Variants in STRA8 observed in about 807,000 individuals in gnomAD.
STRA8 encodes the protein stimulated by retinoic acid 8.
Under a neutral mutation model 37.1 loss-of-function variants are expected in STRA8, and 18 were observed. That is an observed-to-expected ratio of 0.48 (90% confidence interval 0.34 to 0.72). The LOEUF (loss-of-function observed/expected upper bound fraction) is 0.72. STRA8 is among the 30% of genes least tolerant of loss of function. The pLI is 0.01. For synonymous variants in STRA8, 168 were observed against 162.9 expected (o/e 1.03, Z -0.24); for missense variants, 357 against 410.4 (o/e 0.87, Z 1.13).
At chr7:135,234,986 C>T (rs1004465984) in intron 1 of STRA8, among the ~76,000 whole-genome samples, 2 of 152,218 alleles carry the variant, frequency 1.3e-5, no homozygotes, top group Non-Finnish European at 1.5e-5. Context: ...AAGTGATCCT[C>T]CCAACTCAGC....
chr7:135,243,087 A>G (rs1314502003), intron 3 of STRA8, among the ~76,000 whole-genome samples: 2 of 152,150 alleles, frequency 1.3e-5, no homozygotes, highest in African/African-American at 2.4e-5. Context: ...TGAGTTCCCT[A>G]CTGGAGTGCT....
At chr7:135,238,398 C>T (rs1344821677) in intron 1 of STRA8, among the ~76,000 whole-genome samples, 1 of 152,186 alleles carries the variant, frequency 6.6e-6, no homozygotes, top group Non-Finnish European at 1.5e-5. Context: ...GGACTGCACT[C>T]TTGTCCAGGG....
At chr7:135,238,590 T>A (rs1456226252) in intron 1 of STRA8, among the ~76,000 whole-genome samples, 1 of 152,242 alleles carries the variant, frequency 6.6e-6, no homozygotes, top group Non-Finnish European at 1.5e-5. Context: ...TATTTTTATA[T>A]CTCTGTTCAT....
At position 135,246,522 on chromosome 7, in the gene STRA8, G is replaced by A; in HGVS notation, c.699G>A (p.Leu233=). 6.3e-7 allele frequency: 1 copy of A among 1,576,456 alleles called. No individual in the cohort carries two copies. Among genetic ancestry groups the A allele is most frequent in the Middle Eastern group, 1.7e-4 (1 of 6,020 alleles). Residue 233 remains leucine, a synonymous_variant, in exon 6 of 9, where the codon CTG becomes CTA. Transcript: ENST00000662584. The surrounding 1 kb of genome is among the most constrained non-coding windows in gnomAD (Gnocchi z 5.4). ...TCGTCTCCGCGGCCATCTCCCACCTGTGGCAGAACCTCTCGGAGGAGAGGA... is the reference window on the plus strand; with the variant it reads ...TCGTCTCCGCGGCCATCTCCCACCTATGGCAGAACCTCTCGGAGGAGAGGA... ...LPIVSAAISH[L]WQNLSEERKA...
intron 4 of STRA8, among the ~76,000 whole-genome samples, chr7:135,243,970 T>C (rs1832507840): frequency 6.6e-6 from 1 of 152,242 alleles, no homozygotes; most frequent in South Asian, 2.1e-4. Context: ...AGGGGAACAT[T>C]ATTAATGTCA....
intron 6 of STRA8, among the ~76,000 whole-genome samples, chr7:135,247,529 G>A (rs1201510157): frequency 6.6e-6 from 1 of 152,180 alleles, no homozygotes; most frequent in African/African-American, 2.4e-5. Context: ...TCTTTCTTAA[G>A]AGTTAAGGAA....
At chr7:135,247,773 C>T (rs549716544) in intron 6 of STRA8, among the ~76,000 whole-genome samples, 1 of 152,356 alleles carries the variant, frequency 6.6e-6, no homozygotes, top group Admixed American at 6.5e-5. Flanking sequence ...GTCAGAATGG[C>T]CGTGGCCATA....
At chr7:135,249,111 A>T (rs921586696) in intron 6 of STRA8, among the ~76,000 whole-genome samples, 2 of 152,196 alleles carry the variant, frequency 1.3e-5, no homozygotes, top group Admixed American at 6.5e-5. Context: ...CTACATAAAG[A>T]TGTTTTGGGC....
intron 6 of STRA8, among the ~76,000 whole-genome samples, chr7:135,250,499 T>C (rs1832621483): frequency 6.6e-6 from 1 of 151,252 alleles, no homozygotes; most frequent in Admixed American, 6.6e-5. Context: ...TCCGGAAAAC[T>C]AAGAGAGGGG....
chr7:135,258,101 A>T (rs750787594), intron 8 of STRA8, among the ~76,000 whole-genome samples: 34 of 152,182 alleles, frequency 2.2e-4, no homozygotes, highest in Non-Finnish European at 4.7e-4. Flanking sequence ...TCTTCTATTG[A>T]TGAGCATTTG....
At position 135,243,366 on chromosome 7, in the gene STRA8, G is replaced by A; in HGVS notation, c.309G>A (p.Glu103=). The A allele has an allele frequency of 1.9e-6, 3 of 1,614,172 alleles. No homozygotes were observed. The highest frequency in any genetic ancestry group is 2.5e-6 in the Non-Finnish European group (3 of 1,180,014). The part of the protein sequence containing the change: ...NLEDGHASSL[E]EVKKEYASMY... ...AAGATGGGCATGCAAGCAGCTTAGA[G>A]GAGGTCAAGAAAGAATATGCCAGCA... Residue 103 remains glutamate, a synonymous_variant, in exon 4 of 9, where the codon GAG becomes GAA. Coordinates refer to ENST00000662584, the MANE Select transcript of STRA8 (RefSeq NM_001394401.1).
At chr7:135,255,273 T>A (rs1425916693) in intron 8 of STRA8, 48 bp downstream of exon 8, 2 of 1,466,154 alleles carry the variant, frequency 1.4e-6, no homozygotes, top group South Asian at 2.3e-5. Context: ...CTTGCTTAGA[T>A]AGCAAAAAGG....
intron 6 of STRA8, among the ~76,000 whole-genome samples, chr7:135,250,919 G>A (rs570943965): frequency 6.6e-6 from 1 of 152,236 alleles, no homozygotes; most frequent in African/African-American, 2.4e-5. Flanking sequence ...TAACACATTA[G>A]GGGGAAGCAG....
At chr7:135,256,256 C>A (rs1012095751) in intron 8 of STRA8, among the ~76,000 whole-genome samples, 1 of 152,204 alleles carries the variant, frequency 6.6e-6, no homozygotes, top group South Asian at 2.1e-4. Flanking sequence ...CCTTTTCCAA[C>A]TAAGTCTTCA....
chr7:135,235,741 T>C (rs1832366462), intron 1 of STRA8, among the ~76,000 whole-genome samples: 1 of 152,190 alleles, frequency 6.6e-6, no homozygotes, highest in Non-Finnish European at 1.5e-5. Context: ...CGCGCCCAGC[T>C]GATCATGACC....
chr7:135,254,165 G>C (rs915650590), intron 7 of STRA8, among the ~76,000 whole-genome samples: 3 of 152,226 alleles, frequency 2.0e-5, no homozygotes, highest in Non-Finnish European at 4.4e-5. Flanking sequence ...ACACATTCCT[G>C]TTTCTGTGCT....
chr7:135,255,671 T>G (rs1313319487), intron 8 of STRA8, among the ~76,000 whole-genome samples: 2 of 152,216 alleles, frequency 1.3e-5, no homozygotes, highest in Non-Finnish European at 2.9e-5. Context: ...AGAATCTGAC[T>G]AATGCCTGAT....
At chr7:135,253,536 G>A (rs937366382) in intron 7 of STRA8, among the ~76,000 whole-genome samples, 1 of 152,176 alleles carries the variant, frequency 6.6e-6, no homozygotes, top group African/African-American at 2.4e-5. Flanking sequence ...TTCTGCAAAG[G>A]GGGGTTGCTG....
At chr7:135,239,234 A>C (rs1035855093) in intron 1 of STRA8, among the ~76,000 whole-genome samples, 2 of 152,136 alleles carry the variant, frequency 1.3e-5, no homozygotes, top group African/African-American at 4.8e-5. Flanking sequence ...AGCTGGGGTG[A>C]TGCTTGACAC....
Sources: allele counts gnomAD v4.1 joint callset (sites outside exome capture counted in the v4.1 genomes callset), GRCh38; gene constraint gnomAD v4.1.1; non-coding constraint Gnocchi (gnomAD v3.1); transcripts MANE v1.5; gene names NCBI Gene and HGNC (gene_info 2026-07-23, HGNC 2026-07-21).